Variants in NRN1 observed in about 807,000 individuals in gnomAD.
NRN1 encodes the protein neuritin.
In NRN1, 4 loss-of-function variants were observed where a neutral mutation model predicts 15.0. The ratio of observed to expected loss-of-function variants is 0.27; its 90% confidence interval spans 0.13 to 0.61. NRN1 has a LOEUF of 0.61. Ranked by LOEUF, NRN1 falls within the 20% of genes least tolerant of loss-of-function variation. The probability of loss-of-function intolerance (pLI) is 0.87; values close to 1 mark genes in which losing one functional copy is unlikely to be tolerated. For synonymous variants in NRN1, 85 were observed against 79.8 expected (o/e 1.07, Z -0.35); for missense variants, 134 against 181.9 (o/e 0.74, Z 1.51).
At chr6:6,006,937 G>T, upstream of NRN1, 2 of 216,706 alleles carry the variant, frequency 9.2e-6, no homozygotes, top group Admixed American at 6.4e-5. Flanking sequence ...GAGAGAGAGA[G>T]AAAGAGAGAG....
intron 1 of NRN1, among the ~76,000 whole-genome samples, chr6:6,004,540 C>T (rs1424473904): frequency 6.6e-6 from 1 of 152,220 alleles, no homozygotes; most frequent in African/African-American, 2.4e-5. Context: ...GTTATCTTCC[C>T]AGGCGCTGCT....
At chr6:6,006,446 G>T (rs1241060480) in intron 1 of NRN1, among the ~76,000 whole-genome samples, 1 of 152,196 alleles carries the variant, frequency 6.6e-6, no homozygotes, top group Non-Finnish European at 1.5e-5. Flanking sequence ...AGGAAAAAGG[G>T]GGAAAAAAAC....
chr6:6,006,059 A>G (rs1180729807), intron 1 of NRN1, among the ~76,000 whole-genome samples: 1 of 152,244 alleles, frequency 6.6e-6, no homozygotes, highest in Non-Finnish European at 1.5e-5. Context: ...CTAGAAAAGT[A>G]TATCTACGTA....
At chr6:6,002,692 T>A (rs1757987617) in intron 1 of NRN1, 195 bp from the exon 2 acceptor site, 1 of 697,060 alleles carries the variant, frequency 1.4e-6, no homozygotes, top group Non-Finnish European at 2.3e-6. Context: ...CAGCTAACGC[T>A]GCGTCTAGTG....
chr6:6,007,156 G>T (rs1264878515), upstream of NRN1, among the ~76,000 whole-genome samples: 5 of 152,048 alleles, frequency 3.3e-5, no homozygotes. Context: ...ATTAATGTGC[G>T]ATCTGAACGA....
At chr6:6,004,242 C>G (rs1306305998) in intron 1 of NRN1, among the ~76,000 whole-genome samples, 1 of 152,238 alleles carries the variant, frequency 6.6e-6, no homozygotes, top group Non-Finnish European at 1.5e-5. Context: ...GACTACAATA[C>G]TAACAAATCG....
intron 1 of NRN1, among the ~76,000 whole-genome samples, chr6:6,006,066 C>T (rs1460198310): frequency 9.2e-5 from 14 of 152,172 alleles, no homozygotes; most frequent in Admixed American, 8.5e-4. Context: ...AGTATATCTA[C>T]GTAAATTTGG....
intron 2 of NRN1, 75 bp downstream of exon 2, chr6:6,002,278 C>G (rs886574304): frequency 6.5e-7 from 1 of 1,541,182 alleles, no homozygotes; most frequent in Non-Finnish European, 8.9e-7. Flanking sequence ...TGAGCGCAGG[C>G]GGGGAGGCTC....
chr6:6,005,705 T>TC (rs1225108518), intron 1 of NRN1, among the ~76,000 whole-genome samples: 3 of 152,228 alleles, frequency 2.0e-5, no homozygotes, highest in Admixed American at 6.5e-5. Context: ...GTTTCTTTTT[T>TC]CCCCCGTGTT....
intron 1 of NRN1, among the ~76,000 whole-genome samples, chr6:6,005,313 G>C (rs1758079494): frequency 6.6e-6 from 1 of 152,182 alleles, no homozygotes; most frequent in Non-Finnish European, 1.5e-5. Context: ...GCTGCCATTA[G>C]AAATATTATT....
Position 6,006,865 on chromosome 6 carries a change from T to C in NRN1, c.-116A>G, listed in dbSNP as rs1465332869. The C allele has an allele frequency of 3.6e-6, 3 of 829,396 alleles. No homozygotes were observed. Among genetic ancestry groups the C allele is most frequent in the Admixed American group, 1.8e-5 (1 of 54,866 alleles). 51.4% of individuals were successfully genotyped at this position (829,396 alleles called of 1,614,324 possible). On this transcript the variant is annotated 5_prime_UTR_variant, in exon 1 of 3. In the 5' UTR this introduces an upstream ATG that the reference lacks. Coordinates refer to ENST00000244766, the MANE Select transcript of NRN1 (RefSeq NM_016588.3). Reference sequence around the variant, plus strand: ...CAAGTTCCGGGAGCGACAGAGACTTTATGCACTGGGAAGGCAGAGGGAGGA... The same window carrying C: ...CAAGTTCCGGGAGCGACAGAGACTTCATGCACTGGGAAGGCAGAGGGAGGA...
At chr6:6,002,564 T>C (rs886713973) in intron 1 of NRN1, 67 bp from the exon 2 acceptor site, 2 of 1,566,096 alleles carry the variant, frequency 1.3e-6, no homozygotes, top group African/African-American at 1.3e-5. Context: ...TGCCCTTTCC[T>C]GCGAGACCCT....
chr6:6,004,114 T>G (rs1758043156), intron 1 of NRN1: 25 of 939,412 alleles, frequency 2.7e-5, no homozygotes, highest in Non-Finnish European at 3.2e-5. Context: ...CGCTTTTTAA[T>G]CCGGAACGGG....
chr6:6,006,711 G>A lies in NRN1; in HGVS notation c.39C>T (p.Ile13=), dbSNP rs201349566. Residue 13 remains isoleucine (I), a synonymous_variant, in exon 1 of 3, where the codon ATC becomes ATT. Transcript: ENST00000244766. ...GCCACTTACCTATTTGCACCGCGAG[G>A]ATCAGTGAAATATATCTGCCGTTCA... ...LKLNGRYISL[I]LAVQIAYLVQ... 2.4e-5 allele frequency: 38 copies of A among 1,614,110 alleles called. No homozygotes were observed. The Admixed American group carries it at 3.7e-4, about 16-fold the overall frequency.
Position 5,999,081 on chromosome 6 carries a change from G to C in NRN1, c.324C>G (p.Phe108Leu). 1 of 1,614,124 alleles carries C rather than the reference G, an allele frequency of 6.2e-7. No individual in the cohort carries two copies. The highest frequency in any genetic ancestry group is 8.5e-7 in the Non-Finnish European group (1 of 1,180,000). ...CCCCGTTGCCGCTGCCGCAGAGTTC[G>C]AATAAGCTGCCTTGGATGTTGAGGT... ...SKNLNIQGSL[F>L]ELCGSGNGAA... is the part of the protein sequence containing the mutation. The change falls in exon 3 of 3, where the codon TTC (phenylalanine) becomes TTG (leucine). Residue 108 changes from phenylalanine (F) to leucine (L), a missense_variant. Coordinates refer to ENST00000244766, the MANE Select transcript of NRN1 (RefSeq NM_016588.3).
chr6:6,004,012 C>G (rs1339178455), intron 1 of NRN1: 1 of 1,204,956 alleles, frequency 8.3e-7, no homozygotes. Context: ...AGCGCCGGGC[C>G]AGACGCCGAA....
At chr6:6,005,565 CAT>C (rs1041664320) in intron 1 of NRN1, among the ~76,000 whole-genome samples, 23 of 152,278 alleles carry the variant, frequency 1.5e-4, no homozygotes, top group African/African-American at 5.1e-4. Context: ...ATGGAAAAAA[CAT>C]ATTATGCATT....
intron 1 of NRN1, chr6:6,003,099 C>G (rs1758004296): frequency 1.2e-6 from 1 of 862,444 alleles, no homozygotes; most frequent in African/African-American, 1.7e-5. Context: ...AATGAATGAA[C>G]GAATATAGTC....
At chr6:6,001,505 T>C (rs1398510962) in intron 2 of NRN1, among the ~76,000 whole-genome samples, 1 of 152,190 alleles carries the variant, frequency 6.6e-6, no homozygotes, top group Non-Finnish European at 1.5e-5. Context: ...AGCAGTGCTT[T>C]CTAGCCAAGC....
Sources: allele counts gnomAD v4.1 joint callset (sites outside exome capture counted in the v4.1 genomes callset), GRCh38; gene constraint gnomAD v4.1.1; transcripts MANE v1.5; gene names NCBI Gene and HGNC (gene_info 2026-07-23, HGNC 2026-07-21).